The following CEP170B variants were observed in gnomAD, a reference collection of about 807,000 sequenced individuals.
CEP170B encodes the protein centrosomal protein of 170 kDa protein B.
Under a neutral mutation model 120.6 loss-of-function variants are expected in CEP170B, and 55 were observed. The ratio of observed to expected loss-of-function variants is 0.46; its 90% CI spans 0.37 to 0.57. CEP170B has a LOEUF of 0.57. CEP170B is among the 20% of genes least tolerant of loss of function. CEP170B has a pLI of 0.00. For synonymous variants in CEP170B, 1,033 were observed against 954.5 expected (o/e 1.08, Z -1.52); for missense variants, 2,212 against 2,253.3 (o/e 0.98, Z 0.37).
At chr14:104,865,202 C>T (rs1327039107), upstream of CEP170B, 1 of 4,026 alleles carries the variant, frequency 2.5e-4, no homozygotes, top group Non-Finnish European at 5.4e-4. This position sits in a 1 kb window ranked among gnomAD's most constrained non-coding sequence, Gnocchi z 6.7. Flanking sequence ...CGCGGCCGGG[C>T]GGGGGCGGGG....
chr14:104,888,640 G>A (rs537827363), intron 12 of CEP170B, among the ~76,000 whole-genome samples: 6 of 152,344 alleles, frequency 3.9e-5, no homozygotes, highest in East Asian at 1.9e-4. Flanking sequence ...CACCCCGCCC[G>A]CCGAGGCAGC....
chr14:104,893,923 G>C, intron 16 of CEP170B, 74 bp downstream of exon 16: 1 of 1,409,870 alleles, frequency 7.1e-7, no homozygotes, highest in Non-Finnish European at 9.9e-7. Context: ...CAGCCTGGCT[G>C]AATCCCTCAA....
chr14:104,879,198 G>A (rs535074909), intron 5 of CEP170B, among the ~76,000 whole-genome samples: 1 of 152,270 alleles, frequency 6.6e-6, no homozygotes, highest in South Asian at 2.1e-4. Flanking sequence ...TCTGAGGCTG[G>A]GGAATTTGGT....
chr14:104,885,268 G>T, intron 9 of CEP170B, 101 bp from the exon 10 acceptor site: 1 of 1,354,354 alleles, frequency 7.4e-7, no homozygotes, highest in Non-Finnish European at 9.8e-7. Context: ...GGCCAACCAG[G>T]TCCCTGCTCT....
intron 2 of CEP170B, among the ~76,000 whole-genome samples, chr14:104,873,900 C>T (rs1048229119): frequency 3.9e-5 from 6 of 152,158 alleles, no homozygotes; most frequent in African/African-American, 1.2e-4. Flanking sequence ...GCAGCAGGTC[C>T]CCCTGGCCCC....
chr14:104,877,849 G>GC (rs762397299), intron 3 of CEP170B, 36 bp from the exon 4 acceptor site: 4 of 315,690 alleles, frequency 1.3e-5, no homozygotes, highest in South Asian at 3.3e-5. Flanking sequence ...CACCCGCGCA[G>GC]CTCCCCCCCC....
At chr14:104,880,178 T>C (rs1046609074) in intron 5 of CEP170B, 109 bp from the exon 6 acceptor site, 2 of 1,435,348 alleles carry the variant, frequency 1.4e-6, no homozygotes, top group East Asian at 2.5e-5. Flanking sequence ...GCTTGTGACA[T>C]GCAAAGTCAT....
intron 2 of CEP170B, among the ~76,000 whole-genome samples, chr14:104,875,539 C>T (rs1287634093): frequency 6.6e-6 from 1 of 151,484 alleles, no homozygotes; most frequent in African/African-American, 2.4e-5. Context: ...GTGCTTGCAG[C>T]GCTGTGTGGA....
rs1177172899 is a variant in CEP170B, at chr14:104,896,574, T to C, written c.*1616T>C. The C allele has an allele frequency of 2.2e-6, 1 of 456,196 alleles. No homozygotes were observed. Among genetic ancestry groups the C allele is most frequent in the Non-Finnish European group, 4.4e-6 (1 of 226,928 alleles). The allele number at this position is 456,196 out of a possible 1,614,324, so 28.3% of individuals were successfully genotyped here. ...TGCTCCTCCCCACACTGAGCTCCTT[T>C]GTTCCTCCCCCTCCAGCCTTTGCCT... is the stretch of plus-strand genomic sequence containing the variant. On this transcript the variant is annotated 3_prime_UTR_variant, in exon 19 of 19. Coordinates refer to ENST00000414716, the MANE Select transcript of CEP170B (RefSeq NM_001112726.3).
chr14:104,887,948 G>T lies in CEP170B; in HGVS notation c.3709G>T (p.Ala1237Ser). Residue 1237 changes from alanine to serine, a missense_variant, in exon 12 of 19, where the codon GCC becomes TCC. Around this residue, in one of 2 missense-constraint regions of CEP170B, gnomAD observed 2,166 missense variants for 2,166.7 expected, o/e 1.00. Transcript: ENST00000414716. ...TTGPRQPFSR[A>S]RSGSARYTST... ...GGGTCCCCGCCAGCCCTTCAGCAGGGCCCGCTCAGGCAGTGCCCGATACAC... is the reference window on the plus strand; with the variant it reads ...GGGTCCCCGCCAGCCCTTCAGCAGGTCCCGCTCAGGCAGTGCCCGATACAC... The T allele has an allele frequency of 1.3e-6, 2 of 1,533,096 alleles. No individual in the cohort carries two copies. Among genetic ancestry groups the T allele is most frequent in the South Asian group, 2.4e-5 (2 of 82,378 alleles). 95.0% of individuals were successfully genotyped at this position (1,533,096 alleles called of 1,614,324 possible).
In CEP170B at chr14:104,883,053, T is replaced by G; in HGVS notation, c.596T>G (p.Val199Gly). Reference sequence around the variant, plus strand: ...ACACCAGAGCGCCCCAAGGGACCAGTGCAGCAGGACGGGGAGCTCCACGGC... The same window carrying G: ...ACACCAGAGCGCCCCAAGGGACCAGGGCAGCAGGACGGGGAGCTCCACGGC... ...EPYPERPKGP[V>G]QQDGELHGFR... Residue 199 changes from valine (V) to glycine (G), a missense_variant, in exon 8 of 19, where the codon GTG (valine) becomes GGG (glycine). Around this residue, in one of 2 missense-constraint regions of CEP170B, gnomAD observed 2,166 missense variants for 2,166.7 expected, o/e 1.00. Coordinates refer to ENST00000414716, the MANE Select transcript of CEP170B (RefSeq NM_001112726.3). 1 of 1,538,920 alleles carries G rather than the reference T, an allele frequency of 6.5e-7. No homozygotes were observed. The highest frequency in any genetic ancestry group is 8.7e-7 in the Non-Finnish European group (1 of 1,145,170).
Position 104,894,547 on chromosome 14 carries a change from C to G in CEP170B, c.4376C>G (p.Ser1459Cys). 6.2e-7 allele frequency: 1 copy of G among 1,612,602 alleles called. No individual in the cohort carries two copies. Among genetic ancestry groups the G allele is most frequent in the Non-Finnish European group, 8.5e-7 (1 of 1,179,276 alleles). ...CTGCCACGTTTCCAGGAAATCAGCT[C>G]CATCCTGAAGGAACTGAGGCGGGTG... ...ILKTSNKEIS[S>C]ILKELRRVQK... is the part of the protein sequence containing the mutation. The change falls in exon 18 of 19, where the codon TCC (serine) becomes TGC (cysteine). Residue 1459 changes from serine to cysteine, a missense_variant. Ser to Cys is a moderately radical substitution (Grantham distance 112). Around this residue, in one of 2 missense-constraint regions of CEP170B, gnomAD observed 2,166 missense variants for 2,166.7 expected, o/e 1.00. Transcript: ENST00000414716.
chr14:104,893,916 C>T (rs1896970558), intron 16 of CEP170B, 67 bp downstream of exon 16: 3 of 1,451,272 alleles, frequency 2.1e-6, no homozygotes, highest in South Asian at 2.4e-5. Flanking sequence ...TGAGACTCAG[C>T]CTGGCTGAAT....
chr14:104,896,010 C>G lies in CEP170B; in HGVS notation c.*1052C>G, dbSNP rs1246802937. 6.4e-6 allele frequency: 1 copy of G among 155,796 alleles called. No homozygotes were observed. Among genetic ancestry groups the G allele is most frequent in the African/African-American group, 2.4e-5 (1 of 41,506 alleles). The allele number at this position is 155,796 out of a possible 1,614,324, so 9.7% of individuals were successfully genotyped here. On this transcript the variant is annotated 3_prime_UTR_variant, in exon 19 of 19. Coordinates refer to ENST00000414716, the MANE Select transcript of CEP170B (RefSeq NM_001112726.3). Reference sequence around the variant, plus strand: ...ATGGCAGGTGAGCAGAGCTTGGTGCCTCTGCCGTGGCCCCTGCTGGGGCAG... The same window carrying G: ...ATGGCAGGTGAGCAGAGCTTGGTGCGTCTGCCGTGGCCCCTGCTGGGGCAG...
chr14:104,872,210 TGTGTGTACCATGGGTGTGCCGTGC>T, intron 2 of CEP170B, among the ~76,000 whole-genome samples: 2 of 128,154 alleles, frequency 1.6e-5, no homozygotes, highest in South Asian at 2.6e-4. Context: ...TGGGTGTGCG[TGTGTGTACCATGGGTGTGCCGTGC>T]GTGTGTGCGT....
At chr14:104,869,951 T>A (rs1312573916) in intron 2 of CEP170B, among the ~76,000 whole-genome samples, 2 of 152,240 alleles carry the variant, frequency 1.3e-5, no homozygotes. Flanking sequence ...CTGATCCTCT[T>A]GAGTCTGGAC....
In CEP170B at chr14:104,887,962, T is replaced by C. The variant is rs1896613332; in HGVS notation, c.3723T>C (p.Ser1241=). The part of the protein sequence containing the change: ...RQPFSRARSG[S]ARYTSTTQTP... The stretch of plus-strand genomic sequence containing the variant: ...CCTTCAGCAGGGCCCGCTCAGGCAG[T>C]GCCCGATACACCTCCAGTGAGTGCC... The change falls in exon 12 of 19, where the codon AGT becomes AGC. Residue 1241 remains serine (S), a synonymous_variant. Transcript: ENST00000414716. 6.6e-7 allele frequency: 1 copy of C among 1,514,404 alleles called. No homozygotes were observed. The highest frequency in any genetic ancestry group is 8.8e-7 in the Non-Finnish European group (1 of 1,132,478). 93.8% of individuals were successfully genotyped at this position (1,514,404 alleles called of 1,614,324 possible). A position where few individuals can be genotyped will look rare whatever the true frequency, so the allele number is the denominator to read the frequency against.
chr14:104,885,483 G>A lies in CEP170B; in HGVS notation c.1885G>A (p.Ala629Thr), dbSNP rs754419769. ...TGACGGGGGCGTGGCCCAGCGGATG[G>A]CGCTACTGCAGGAGTTTGCCTCCCG... ...SDDGGVAQRM[A>T]LLQEFASRPL... Residue 629 changes from alanine (A) to threonine (T), a missense_variant, in exon 10 of 19, where the codon GCG becomes ACG. Ala to Thr is a moderately conservative substitution (Grantham distance 58, BLOSUM62 0). Transcript: ENST00000414716. The A allele has an allele frequency of 1.3e-6, 2 of 1,565,320 alleles. No individual in the cohort carries two copies. The highest frequency in any genetic ancestry group is 2.7e-5 in the African/African-American group (2 of 73,740).
chr14:104,890,595 T>G, intron 13 of CEP170B, among the ~76,000 whole-genome samples: 2 of 136,788 alleles, frequency 1.5e-5, no homozygotes, highest in African/African-American at 2.9e-5. Context: ...GATGGGTGAG[T>G]GAGTGGGTGG....
Sources: allele counts gnomAD v4.1 joint callset (sites outside exome capture counted in the v4.1 genomes callset), GRCh38; gene constraint gnomAD v4.1.1; regional missense constraint gnomAD v4.1.1; non-coding constraint Gnocchi (gnomAD v3.1); transcripts MANE v1.5; gene names NCBI Gene and HGNC (gene_info 2026-07-23, HGNC 2026-07-21).